The following ASXL1 variants were observed in gnomAD, a reference collection of about 807,000 sequenced individuals.
The protein encoded by ASXL1 is polycomb group protein ASXL1.
ASXL1 carries 65 observed loss-of-function variants against 89.1 expected under a neutral mutation model. The observed-to-expected ratio is 0.73, with a 90% confidence interval of 0.60 to 0.90. ASXL1 has a LOEUF of 0.90. Among genes scored for constraint, ASXL1 ranks in the 40% least tolerant of loss-of-function variants. The pLI is 0.00. For missense variants in ASXL1, 1,786 were observed against 1,942.9 expected (o/e 0.92, Z 1.52); for synonymous variants, 739 against 746.9 (o/e 0.99, Z 0.17).
At position 32,358,765 on chromosome 20, in the gene ASXL1, C is replaced by G. The variant is rs2048055795; in HGVS notation, c.-11C>G. On this transcript the variant is annotated 5_prime_UTR_variant, in exon 1 of 13. Coordinates refer to ENST00000375687, the MANE Select transcript of ASXL1 (RefSeq NM_015338.6). Reference sequence around the variant, plus strand: ...TCCCGCGTGGAGCTGCCGCCGCCGCCGGGGAGAAGGATGAAGGACAAACAG... The same window carrying G: ...TCCCGCGTGGAGCTGCCGCCGCCGCGGGGGAGAAGGATGAAGGACAAACAG... 6.7e-7 allele frequency: 1 copy of G among 1,482,842 alleles called. No homozygotes were observed. The allele number at this position is 1,482,842 out of a possible 1,614,324, so 91.9% of individuals were successfully genotyped here.
chr20:32,362,218 C>G lies in ASXL1; in HGVS notation c.57+3386C>G, dbSNP rs556343432. ...TTGATTAGAACACCTGAACACTTCT[C>G]TTTGGGCAGGTGAATTTGGAGTGCT... On this transcript the variant is annotated intron_variant, in intron 1 of 12. Coordinates refer to ENST00000375687, the MANE Select transcript of ASXL1 (RefSeq NM_015338.6). 1.1e-4 allele frequency among the ~76,000 whole-genome samples: 17 copies of G among 152,348 alleles called. No individual in the cohort carries two copies. In the East Asian group the frequency reaches 3.3e-3, roughly 29 times the overall value.
chr20:32,362,074 C>G lies in ASXL1; in HGVS notation c.57+3242C>G, dbSNP rs1392911966. Among the ~76,000 whole-genome samples the G allele has an allele frequency of 2.0e-5, 3 of 151,790 alleles. No homozygotes were observed. In the East Asian group the frequency reaches 5.8e-4, roughly 29 times the overall value. On this transcript the variant is annotated intron_variant, in intron 1 of 12. Transcript: ENST00000375687. ...GTGAGACTCTGTCTCAAAAACAAAA[C>G]AAAAGAAAAAACCAGTCCTCTTAAT...
intron 4 of ASXL1, 135 bp from the exon 5 acceptor site, chr20:32,427,993 G>T (rs1025152562): frequency 5.5e-6 from 7 of 1,277,732 alleles, no homozygotes; most frequent in Non-Finnish European, 7.7e-6. Context: ...TGAGAAAAAG[G>T]TCAGTTAGAA....
chr20:32,385,089 C>G (rs561233841), intron 4 of ASXL1, among the ~76,000 whole-genome samples: 5 of 152,222 alleles, frequency 3.3e-5, no homozygotes, highest in Non-Finnish European at 5.9e-5. Flanking sequence ...AAGAAAGTTG[C>G]TTCTAGCTTA....
At position 32,358,477 on chromosome 20, in the gene ASXL1, C is replaced by G. The variant is rs1169263755; in HGVS notation, c.-299C>G. ...GGAGGCCGGAGCCGTGACCTCTGAC[C>G]CCGTGGTTATGCGGAGCCGCCGCAT... On this transcript the variant is annotated 5_prime_UTR_variant, in exon 1 of 13. Transcript: ENST00000375687. 3 of 231,444 alleles carry G rather than the reference C, an allele frequency of 1.3e-5. No homozygotes were observed. Among genetic ancestry groups the G allele is most frequent in the Non-Finnish European group, 2.6e-5 (3 of 117,278 alleles). 14.3% of individuals were successfully genotyped at this position (231,444 alleles called of 1,614,324 possible). A position where few individuals can be genotyped will look rare whatever the true frequency, so the allele number is the denominator to read the frequency against.
Position 32,439,217 on chromosome 20 carries a change from A to C in ASXL1, c.*1879A>C, listed in dbSNP as rs1262486527. 3 of 233,336 alleles carry C rather than the reference A, an allele frequency of 1.3e-5. No individual in the cohort carries two copies. Among genetic ancestry groups the C allele is most frequent in the Non-Finnish European group, 2.5e-5 (3 of 117,896 alleles). The allele number at this position is 233,336 out of a possible 1,614,324, so 14.5% of individuals were successfully genotyped here. On this transcript the variant is annotated 3_prime_UTR_variant, in exon 13 of 13. Coordinates refer to ENST00000375687, the MANE Select transcript of ASXL1 (RefSeq NM_015338.6). ...CTGCTGGAACCTTTGGGGACACTCA[A>C]GGGTACAGTTTGACACTGATCTGGT...
intron 4 of ASXL1, among the ~76,000 whole-genome samples, chr20:32,419,712 G>T (rs182021405): frequency 4.3e-5 from 6 of 138,272 alleles, no homozygotes; most frequent in Admixed American, 1.5e-4. Context: ...ACAGAGTTTC[G>T]CTCTTGTTGC....
Position 32,414,984 on chromosome 20 carries a change from T to TTTTGTTTG in ASXL1, c.253-13120_253-13113dup, listed in dbSNP as rs140588275. Reference sequence around the variant, plus strand: ...AGTGGTGTCATGATTTTCTGGTGTTTTTTGTTTGTTTGTTTGTTTGTTTGT... The same window carrying TTTTGTTTG: ...AGTGGTGTCATGATTTTCTGGTGTTTTTTGTTTGTTTGTTTGTTTGTTTGTTTGTTTGT... On this transcript the variant is annotated intron_variant, in intron 4 of 12. Transcript: ENST00000375687. 7.2e-4 allele frequency among the ~76,000 whole-genome samples: 109 copies of TTTTGTTTG among 150,972 alleles called. 1 individual carries two copies. Among genetic ancestry groups the TTTTGTTTG allele is most frequent in the African/African-American group, 2.2e-3 (91 of 41,130 alleles).
At chr20:32,420,403 G>T (rs1023419987) in intron 4 of ASXL1, among the ~76,000 whole-genome samples, 2 of 152,094 alleles carry the variant, frequency 1.3e-5, no homozygotes, top group African/African-American at 4.8e-5. Flanking sequence ...CCTTTGCTCA[G>T]ATTTGCCACA....
chr20:32,431,316 C>A lies in ASXL1; in HGVS notation c.719-5C>A, dbSNP rs376415363. The A allele has an allele frequency of 5.3e-5, 85 of 1,614,052 alleles. No homozygotes were observed. The highest frequency in any genetic ancestry group is 6.8e-5 in the Non-Finnish European group (80 of 1,180,046). ...GAAATCTATACCTTGCTTCAAAAAT[C>A]ATAGGTCAAATGAAGCGCAACAGAG... is the stretch of plus-strand genomic sequence containing the variant. On this transcript the variant is annotated splice_region_variant and splice_polypyrimidine_tract_variant and intron_variant, in intron 8 of 12. Transcript: ENST00000375687.
chr20:32,400,242 C>CT (rs1414221388), intron 4 of ASXL1, among the ~76,000 whole-genome samples: 2 of 151,994 alleles, frequency 1.3e-5, no homozygotes, highest in African/African-American at 4.8e-5. Flanking sequence ...CTTTAGTATA[C>CT]TTTTTTTTCC....
chr20:32,430,124 T>C (rs374549616), intron 8 of ASXL1, 71 bp downstream of exon 8: 2 of 1,526,518 alleles, frequency 1.3e-6, no homozygotes, highest in Middle Eastern at 1.7e-4. Flanking sequence ...AGATGATGTC[T>C]TCTATTCCAA....
At chr20:32,375,108 T>G (rs1007041058) in intron 4 of ASXL1, among the ~76,000 whole-genome samples, 1 of 152,172 alleles carries the variant, frequency 6.6e-6, no homozygotes, top group African/African-American at 2.4e-5. Context: ...CCCAAAGTGC[T>G]GGGATTACAG....
At position 32,434,747 on chromosome 20, in the gene ASXL1, G is replaced by T. The variant is rs2145361298; in HGVS notation, c.2035G>T (p.Gly679Ter). 6.2e-7 allele frequency: 1 copy of T among 1,613,246 alleles called. No homozygotes were observed. The highest frequency in any genetic ancestry group is 8.5e-7 in the Non-Finnish European group (1 of 1,179,852). The change falls in exon 13 of 13, where the codon GGA becomes TGA. Residue 679 changes from glycine (G) to a stop codon, truncating the protein, a stop_gained. Transcript: ENST00000375687. LOFTEE classifies it low-confidence loss of function (END_TRUNC). ...GEACGHPEPRGGPSTPGKCTS... is the reference protein window; with the variant it reads ...GEACGHPEPR ...GGCCTGTGGCCACCCTGAGCCCAGG[G>T]GAGGCCCGAGCACCCCTGGAAAGTG...
chr20:32,361,826 G>C (rs916193258), intron 1 of ASXL1, among the ~76,000 whole-genome samples: 14 of 152,100 alleles, frequency 9.2e-5, no homozygotes, highest in Admixed American at 8.5e-4. Flanking sequence ...AGCTCTTTGG[G>C]AGGCCGAGGC....
chr20:32,387,062 G>A (rs2048592350), intron 4 of ASXL1, among the ~76,000 whole-genome samples: 1 of 152,080 alleles, frequency 6.6e-6, no homozygotes, highest in South Asian at 2.1e-4. Flanking sequence ...CACTTTGTGA[G>A]GCTGAGGTGG....
intron 4 of ASXL1, among the ~76,000 whole-genome samples, chr20:32,415,157 C>T (rs1464394255): frequency 2.0e-5 from 3 of 151,846 alleles, no homozygotes; most frequent in Non-Finnish European, 4.4e-5. Flanking sequence ...TACAGGTGCC[C>T]GCCATCACCC....
intron 4 of ASXL1, 43 bp from the exon 5 acceptor site, chr20:32,428,085 T>A: frequency 6.2e-7 from 1 of 1,611,872 alleles, no homozygotes; most frequent in Non-Finnish European, 8.5e-7. Context: ...GCTTTAAGAA[T>A]TTGTAGGGTT....
chr20:32,359,051 C>A (rs927009970), intron 1 of ASXL1: 9 of 608,320 alleles, frequency 1.5e-5, no homozygotes, highest in Admixed American at 6.0e-5. Flanking sequence ...GCGCCCCCCC[C>A]GCCCCGCGCA....
Sources: gnomAD v4.1 joint callset for allele counts (sites outside exome capture counted in the v4.1 genomes callset) on GRCh38, gnomAD v4.1.1 for gene constraint, MANE v1.5 for transcripts, NCBI Gene and HGNC (gene_info 2026-07-23, HGNC 2026-07-21) for gene names.